Variants in CCNI2 observed in about 807,000 individuals in gnomAD.
CCNI2 encodes cyclin I family member 2, also known as cyclin-I2.
Under a neutral mutation model 33.2 loss-of-function variants are expected in CCNI2, and 32 were observed. The observed-to-expected ratio is 0.96, with a 90% CI of 0.73 to 1.30. The LOEUF is 1.30. Ranked by LOEUF, CCNI2 falls within the 50% of genes most tolerant of loss-of-function variation. The pLI, the probability that CCNI2 is intolerant of heterozygous loss-of-function variation, is 0.00. For missense variants in CCNI2, 452 were observed against 486.2 expected, an observed-to-expected ratio of 0.93 and a Z score of 0.66; for synonymous variants, 231 against 219.9, an observed-to-expected ratio of 1.05 and a Z score of -0.45.
Position 132,747,634 on chromosome 5 carries a change from C to G in CCNI2, c.139C>G (p.Pro47Ala), listed in dbSNP as rs1266485094. 6.7e-7 allele frequency: 1 copy of G among 1,503,318 alleles called. No homozygotes were observed. Among genetic ancestry groups the G allele is most frequent in the South Asian group, 1.2e-5 (1 of 80,374 alleles). The allele number at this position is 1,503,318 out of a possible 1,614,324, so 93.1% of individuals were successfully genotyped here. ...TCTCCCGCCGTCTCCGGGGGAGGCC[C>G]CTCTGCCCCGAAGCAACCGGAGCAG... ...VPLPPSPGEA[P>A]LPRSNRSRCP... Residue 47 changes from proline to alanine, a missense_variant, in exon 1 of 6, where the codon CCT becomes GCT. Pro to Ala is a conservative substitution (Grantham distance 27). Transcript: ENST00000378731. This position sits in a 1 kb window ranked among gnomAD's most constrained non-coding sequence, Gnocchi z 4.1.
At position 132,749,297 on chromosome 5, in the gene CCNI2, T is replaced by C. The variant is rs772003787; in HGVS notation, c.559-51T>C. The C allele has an allele frequency of 7.8e-6, 11 of 1,409,092 alleles. No individual in the cohort carries two copies. The South Asian group carries it at 1.3e-4, about 16-fold the overall frequency. 87.3% of individuals were successfully genotyped at this position (1,409,092 alleles called of 1,614,324 possible). A position where few individuals can be genotyped will look rare whatever the true frequency, so the allele number is the denominator to read the frequency against. On this transcript the variant is annotated intron_variant, in intron 2 of 5. Transcript: ENST00000378731. ...GAAAACAAACACAGATGCTTTTCAGTTTGTTTCTGGCATTCATATTCTGCT... is the reference window on the plus strand; with the variant it reads ...GAAAACAAACACAGATGCTTTTCAGCTTGTTTCTGGCATTCATATTCTGCT...
In CCNI2 at chr5:132,748,877, A is replaced by G. The variant is rs549377196; in HGVS notation, c.558+402A>G. ...CATCTGCAGTTCTGAAATCAGGAGCATCTTCGTTGGTCAGATCTAAAAACG... is the reference window on the plus strand; with the variant it reads ...CATCTGCAGTTCTGAAATCAGGAGCGTCTTCGTTGGTCAGATCTAAAAACG... On this transcript the variant is annotated intron_variant, in intron 2 of 5. Coordinates refer to ENST00000378731, the MANE Select transcript of CCNI2 (RefSeq NM_001039780.4). Among the ~76,000 whole-genome samples, 4 of 152,338 alleles carry G rather than the reference A, an allele frequency of 2.6e-5. No individual in the cohort carries two copies. In the East Asian group the frequency reaches 7.7e-4, roughly 29 times the overall value.
rs1267572677 is a variant in CCNI2, at chr5:132,752,902, G to A, written c.1042G>A (p.Val348Ile). Residue 348 changes from valine to isoleucine, a missense_variant, in exon 6 of 6, where the codon GTA becomes ATA. By Grantham distance (29) the Val-to-Ile change is conservative. Transcript: ENST00000378731. ...GCAGTACAGCTGCTGCAAGGAACTT[G>A]TAATGCAGCAACTGAGAAGTCTTCA... ...DMQYSCCKELVMQQLRSLQSS... is the reference protein window; with the variant it reads ...DMQYSCCKELIMQQLRSLQSS... 6.2e-7 allele frequency: 1 copy of A among 1,614,022 alleles called. No individual in the cohort carries two copies. The highest frequency in any genetic ancestry group is 8.5e-7 in the Non-Finnish European group (1 of 1,180,036).
chr5:132,755,960 G>A (rs200894357), downstream of CCNI2: 5 of 896,906 alleles, frequency 5.6e-6, no homozygotes, highest in Non-Finnish European at 6.2e-6. Context: ...CTCAGGAAAC[G>A]TTAAATCAGA....
chr5:132,747,716 TC>T lies in CCNI2; in HGVS notation c.225del (p.Val76CysfsTer107). ...TCCCTCCACGCGGCGTCCGCAGCAG[TC>T]CCCGTGCGGCCCCGGCGCGGTACGG... The part of the protein sequence containing the change: ...AASLHAASAA[V>X]PVRPRRGTAP... On this transcript the variant is annotated frameshift_variant, in exon 1 of 6. Coordinates refer to ENST00000378731, the MANE Select transcript of CCNI2 (RefSeq NM_001039780.4). LOFTEE classifies it high-confidence loss of function. The surrounding 1 kb of genome is among the most constrained non-coding windows in gnomAD (Gnocchi z 4.1). The T allele has an allele frequency of 6.7e-7, 1 of 1,487,488 alleles. No individual in the cohort carries two copies. Among genetic ancestry groups the T allele is most frequent in the Admixed American group, 2.2e-5 (1 of 44,480 alleles). 92.1% of individuals were successfully genotyped at this position (1,487,488 alleles called of 1,614,324 possible).
Position 132,750,785 on chromosome 5 carries a change from C to T in CCNI2, c.634-72C>T. The T allele has an allele frequency of 2.6e-6, 4 of 1,510,562 alleles. No homozygotes were observed. In the South Asian group the frequency reaches 5.0e-5, roughly 19 times the overall value. The allele number at this position is 1,510,562 out of a possible 1,614,324, so 93.6% of individuals were successfully genotyped here. On this transcript the variant is annotated intron_variant, in intron 3 of 5. Coordinates refer to ENST00000378731, the MANE Select transcript of CCNI2 (RefSeq NM_001039780.4). ...TCCACTAAGGTCATGAATGCCCAGT[C>T]CCCATGGGTAAGAAAACAAAAGCTA...
In CCNI2 at chr5:132,753,190, A is replaced by G. The variant is rs888608653; in HGVS notation, c.*220A>G. ...AGAGGTCAGGGTGGTCTGATAGACT[A>G]TGACCCTGTCTTCCCTTTTTCTCCT... On this transcript the variant is annotated 3_prime_UTR_variant, in exon 6 of 6. Coordinates refer to ENST00000378731, the MANE Select transcript of CCNI2 (RefSeq NM_001039780.4). 8 of 527,406 alleles carry G rather than the reference A, an allele frequency of 1.5e-5. No individual in the cohort carries two copies. Among genetic ancestry groups the G allele is most frequent in the African/African-American group, 1.5e-4 (8 of 53,132 alleles). 32.7% of individuals were successfully genotyped at this position (527,406 alleles called of 1,614,324 possible). A position where few individuals can be genotyped will look rare whatever the true frequency, so the allele number is the denominator to read the frequency against.
In CCNI2 at chr5:132,751,052, C is replaced by T. The variant is rs1005698771; in HGVS notation, c.774+55C>T. On this transcript the variant is annotated intron_variant, in intron 4 of 5. Coordinates refer to ENST00000378731, the MANE Select transcript of CCNI2 (RefSeq NM_001039780.4). ...CCTAAACTCGTTTGTGCCTTTGGAACAGCTGTTTACAACATGGGATGGCAA... is the reference window on the plus strand; with the variant it reads ...CCTAAACTCGTTTGTGCCTTTGGAATAGCTGTTTACAACATGGGATGGCAA... The T allele has an allele frequency of 1.0e-5, 16 of 1,591,580 alleles. No homozygotes were observed. In the Admixed American group the frequency reaches 2.3e-4, roughly 23 times the overall value.
At position 132,747,775 on chromosome 5, in the gene CCNI2, G is replaced by A. The variant is rs1451521254; in HGVS notation, c.280G>A (p.Ala94Thr). ...CGGGAAAACCGCAGACGCGGTCCCC[G>A]CCGCCGCCCCAGAGCAAGCTCCGCG... ...PAGKTADAVP[A>T]AAPEQAPRPA... Residue 94 changes from alanine to threonine, a missense_variant, in exon 1 of 6, where the codon GCC (alanine) becomes ACC (threonine). Ala to Thr is a moderately conservative substitution (Grantham distance 58). Coordinates refer to ENST00000378731, the MANE Select transcript of CCNI2 (RefSeq NM_001039780.4). This position sits in a 1 kb window ranked among gnomAD's most constrained non-coding sequence, Gnocchi z 4.1. 2 of 1,467,684 alleles carry A rather than the reference G, an allele frequency of 1.4e-6. No homozygotes were observed. The highest frequency in any genetic ancestry group is 2.9e-5 in the East Asian group (1 of 34,470). 90.9% of individuals were successfully genotyped at this position (1,467,684 alleles called of 1,614,324 possible).
At position 132,752,995 on chromosome 5, in the gene CCNI2, T is replaced by A; in HGVS notation, c.*25T>A. On this transcript the variant is annotated 3_prime_UTR_variant, in exon 6 of 6. Transcript: ENST00000378731. Reference sequence around the variant, plus strand: ...GCCCCTCTGCCTCCACCCCGGGGCTTTCAGAGCATAGTGTGAAACCTCCTT... The same window carrying A: ...GCCCCTCTGCCTCCACCCCGGGGCTATCAGAGCATAGTGTGAAACCTCCTT... 1 of 1,568,836 alleles carries A rather than the reference T, an allele frequency of 6.4e-7. No individual in the cohort carries two copies. The highest frequency in any genetic ancestry group is 1.1e-5 in the South Asian group (1 of 90,112).
At chr5:132,754,540 A>G (rs1024527856), downstream of CCNI2, 1 of 717,374 alleles carries the variant, frequency 1.4e-6, no homozygotes, top group African/African-American at 1.7e-5. Context: ...AGCAGAGGGT[A>G]GACATGTGAG....
At chr5:132,748,676 G>A (rs1339634606) in intron 2 of CCNI2, among the ~76,000 whole-genome samples, 1 of 152,156 alleles carries the variant, frequency 6.6e-6, no homozygotes, top group Non-Finnish European at 1.5e-5. Context: ...CATCAGGATT[G>A]GACTTGGGGA....
chr5:132,755,693 C>T (rs1159850490), downstream of CCNI2, among the ~76,000 whole-genome samples: 2 of 152,308 alleles, frequency 1.3e-5, no homozygotes, highest in South Asian at 4.1e-4. Flanking sequence ...GAGGAACACT[C>T]CTCAAGGGCA....
At position 132,754,378 on chromosome 5, in the gene CCNI2, G is replaced by C. The variant is rs901732393; in HGVS notation, c.*1408G>C. On this transcript the variant is annotated 3_prime_UTR_variant, in exon 6 of 6. Transcript: ENST00000378731. ...TCCTTCCAGTGTAAGTGGGACCACAGTGCATGAGGCAGAAGGACATCCTGA... is the reference window on the plus strand; with the variant it reads ...TCCTTCCAGTGTAAGTGGGACCACACTGCATGAGGCAGAAGGACATCCTGA... 1.3e-5 allele frequency: 9 copies of C among 717,130 alleles called. No homozygotes were observed. The highest frequency in any genetic ancestry group is 1.0e-4 in the Admixed American group (5 of 49,990). The allele number at this position is 717,130 out of a possible 1,614,324, so 44.4% of individuals were successfully genotyped here.
chr5:132,752,263 CAAAGG>C, intron 5 of CCNI2, 67 bp downstream of exon 5: 1 of 1,488,938 alleles, frequency 6.7e-7, no homozygotes, highest in Non-Finnish European at 9.0e-7. Flanking sequence ...ACTCTGACCC[CAAAGG>C]GGTACCCTTT....
chr5:132,749,362 C>T lies in CCNI2; in HGVS notation c.573C>T (p.Tyr191=), dbSNP rs1754713272. 2.5e-6 allele frequency: 4 copies of T among 1,613,946 alleles called. No homozygotes were observed. The East Asian group carries it at 6.7e-5, about 27-fold the overall frequency. Reference sequence around the variant, plus strand: ...CCATACTGCAGGTAAAAGAGAAATACCTGCATTGCGCCACAATTACTTCCT... The same window carrying T: ...CCATACTGCAGGTAAAAGAGAAATATCTGCATTGCGCCACAATTACTTCCT... ...LLISVKVKEK[Y]LHCATITSLR... Residue 191 remains tyrosine (Y), a synonymous_variant, in exon 3 of 6, where the codon TAC becomes TAT. Transcript: ENST00000378731.
Position 132,747,889 on chromosome 5 carries a change from C to G in CCNI2, c.394C>G (p.Arg132Gly). 1 of 1,410,506 alleles carries G rather than the reference C, an allele frequency of 7.1e-7. No homozygotes were observed. Among genetic ancestry groups the G allele is most frequent in the Non-Finnish European group, 9.2e-7 (1 of 1,091,070 alleles). The allele number at this position is 1,410,506 out of a possible 1,614,324, so 87.4% of individuals were successfully genotyped here. The change falls in exon 1 of 6, where the codon CGC becomes GGC. Residue 132 changes from arginine to glycine, a missense_variant. By Grantham distance (125) the Arg-to-Gly change is moderately radical. Transcript: ENST00000378731. The surrounding 1 kb of genome is among the most constrained non-coding windows in gnomAD (Gnocchi z 4.1). Reference protein sequence around the residue: ...LLCHLQLAQDREARLWRGGKP... With the variant: ...LLCHLQLAQDGEARLWRGGKP... ...CTGCCACTTGCAGCTGGCCCAGGAC[C>G]GCGAGGCGCGCCTGTGGCGGGGCGG...
Position 132,752,227 on chromosome 5 carries a change from CTG to C in CCNI2, c.1005+35_1005+36del, listed in dbSNP as rs1754907041. On this transcript the variant is annotated intron_variant, in intron 5 of 5. Transcript: ENST00000378731. ...CATCAACTTTGCCCCAGACCAGGCT[CTG>C]TGTTTTGCCCCTTTAGCTGACACAC... is the stretch of plus-strand genomic sequence containing the variant. The C allele has an allele frequency of 2.6e-6, 4 of 1,540,744 alleles. No homozygotes were observed. In the African/African-American group the frequency reaches 4.1e-5, roughly 16 times the overall value.
At position 132,752,952 on chromosome 5, in the gene CCNI2, T is replaced by G. The variant is rs1329482862; in HGVS notation, c.1092T>G (p.Phe364Leu). The G allele has an allele frequency of 6.2e-7, 1 of 1,614,102 alleles. No homozygotes were observed. The highest frequency in any genetic ancestry group is 2.2e-5 in the East Asian group (1 of 44,870). Residue 364 changes from phenylalanine to leucine, a missense_variant, in exon 6 of 6, where the codon TTT becomes TTG. By Grantham distance (22) the Phe-to-Leu change is conservative. Coordinates refer to ENST00000378731, the MANE Select transcript of CCNI2 (RefSeq NM_001039780.4). Reference sequence around the variant, plus strand: ...AGTCATCCTCCTGCACAGACAACTTTGTGTCACCTGCCAACTAGCCCCTCT... The same window carrying G: ...AGTCATCCTCCTGCACAGACAACTTGGTGTCACCTGCCAACTAGCCCCTCT... ...SLQSSSCTDN[F>L]VSPAN
Sources: gnomAD v4.1 joint callset for allele counts (sites outside exome capture counted in the v4.1 genomes callset) on GRCh38, gnomAD v4.1.1 for gene constraint, Gnocchi (gnomAD v3.1) non-coding constraint, MANE v1.5 for transcripts, NCBI Gene and HGNC (gene_info 2026-07-23, HGNC 2026-07-21) for gene names.